GPC5: variants seen among roughly 807,000 people sequenced by gnomAD.
The protein encoded by GPC5 is glypican 5.
Under a neutral mutation model 53.9 loss-of-function variants are expected in GPC5, and 47 were observed. The observed-to-expected ratio is 0.87, with a 90% confidence interval of 0.69 to 1.11. The LOEUF is 1.11. GPC5 is among the 50% of genes most tolerant of loss of function. The probability of loss-of-function intolerance (pLI) is 0.00; values close to 1 mark genes in which losing one functional copy is unlikely to be tolerated. For missense variants in GPC5, 748 were observed against 713.1 expected, an observed-to-expected ratio of 1.05 and a Z score of -0.56; for synonymous variants, 286 against 263.3, an observed-to-expected ratio of 1.09 and a Z score of -0.84.
intron 7 of GPC5, among the ~76,000 whole-genome samples, chr13:92,849,604 A>G (rs1878724103): frequency 6.6e-6 from 1 of 152,212 alleles, no homozygotes. Context: ...GAGTGTTCAC[A>G]TTATACTTGC....
chr13:92,109,526 TC>T (rs1482143531), intron 6 of GPC5, among the ~76,000 whole-genome samples: 1 of 152,196 alleles, frequency 6.6e-6, no homozygotes, highest in Non-Finnish European at 1.5e-5. Context: ...TATCTAAAAT[TC>T]TTTTTGATGA....
intron 6 of GPC5, among the ~76,000 whole-genome samples, chr13:92,082,142 G>A (rs905040655): frequency 1.3e-5 from 2 of 152,054 alleles, no homozygotes; most frequent in Admixed American, 6.6e-5. Flanking sequence ...TGTCTGTGAA[G>A]GAAATCATTT....
At chr13:92,737,385 A>G (rs1463331020) in intron 7 of GPC5, among the ~76,000 whole-genome samples, 1 of 152,088 alleles carries the variant, frequency 6.6e-6, no homozygotes, top group Non-Finnish European at 1.5e-5. Context: ...GGAATTGCAC[A>G]CTAATTCTAG....
intron 6 of GPC5, among the ~76,000 whole-genome samples, chr13:91,999,341 A>G (rs1396457850): frequency 2.0e-5 from 3 of 152,274 alleles, no homozygotes; most frequent in South Asian, 4.2e-4. Context: ...AGGTAAAACT[A>G]TCTCTTCAAA....
chr13:92,467,213 T>C (rs1458528195), intron 7 of GPC5, among the ~76,000 whole-genome samples: 1 of 152,092 alleles, frequency 6.6e-6, no homozygotes, highest in East Asian at 1.9e-4. Context: ...ATATTTCACC[T>C]TTTTCTTCGG....
At chr13:92,365,806 C>T (rs568826868) in intron 7 of GPC5, among the ~76,000 whole-genome samples, 4 of 151,236 alleles carry the variant, frequency 2.6e-5, no homozygotes, top group South Asian at 2.1e-4. Context: ...GGGGCAATTG[C>T]GTGCATGGAT....
chr13:92,047,277 C>T (rs922536937), intron 6 of GPC5, among the ~76,000 whole-genome samples: 2 of 151,976 alleles, frequency 1.3e-5, no homozygotes, highest in South Asian at 2.1e-4. Context: ...TTAATTAAAT[C>T]ATCTTAGATC....
At chr13:92,325,279 G>A (rs2043243305) in intron 7 of GPC5, among the ~76,000 whole-genome samples, 1 of 151,840 alleles carries the variant, frequency 6.6e-6, no homozygotes, top group African/African-American at 2.4e-5. Context: ...GAAAGTGAAG[G>A]GACAGTCAAT....
intron 7 of GPC5, among the ~76,000 whole-genome samples, chr13:92,827,311 T>TTGTGGCTA (rs1456033916): frequency 6.6e-6 from 1 of 152,150 alleles, no homozygotes; most frequent in Non-Finnish European, 1.5e-5. Context: ...AAGTATATCC[T>TTGTGGCTA]TGTGGCTATC....
At chr13:92,477,160 G>T (rs779732627) in intron 7 of GPC5, among the ~76,000 whole-genome samples, 3 of 152,070 alleles carry the variant, frequency 2.0e-5, no homozygotes, top group Non-Finnish European at 2.9e-5. Context: ...CAGTATTTAG[G>T]CACACCTATG....
At chr13:92,275,841 T>C (rs1021755518) in intron 7 of GPC5, among the ~76,000 whole-genome samples, 3 of 152,162 alleles carry the variant, frequency 2.0e-5, no homozygotes, top group African/African-American at 7.2e-5. Flanking sequence ...CATCAAATTC[T>C]GGAATATCAT....
intron 6 of GPC5, among the ~76,000 whole-genome samples, chr13:92,080,924 G>A (rs908791758): frequency 7.9e-5 from 12 of 152,084 alleles, no homozygotes; most frequent in Non-Finnish European, 1.5e-4. Flanking sequence ...AAATCACAGC[G>A]CTTGAGCACA....
At chr13:92,830,221 T>G (rs1199207546) in intron 7 of GPC5, among the ~76,000 whole-genome samples, 1 of 151,814 alleles carries the variant, frequency 6.6e-6, no homozygotes, top group Non-Finnish European at 1.5e-5. Context: ...TTCCACATTG[T>G]TTTTTTTCGT....
At chr13:92,466,537 C>CT (rs146261227) in intron 7 of GPC5, among the ~76,000 whole-genome samples, 3,522 of 152,096 alleles carry the variant, frequency 0.023, 152 homozygotes, top group African/African-American at 0.081. Flanking sequence ...GAGATTTTGA[C>CT]TTTTTACTTC....
intron 2 of GPC5, among the ~76,000 whole-genome samples, chr13:91,563,858 T>A (rs1046828139): frequency 2.6e-5 from 4 of 152,076 alleles, no homozygotes; most frequent in Admixed American, 1.3e-4. Context: ...CCTTCCTCAA[T>A]GTTGCTGCCA....
chr13:92,724,911 C>CACACAA (rs1555306823), intron 7 of GPC5, among the ~76,000 whole-genome samples: 1 of 144,142 alleles, frequency 6.9e-6, no homozygotes, highest in Non-Finnish European at 1.5e-5. Flanking sequence ...CACACACACA[C>CACACAA]AAGAAAGAAA....
intron 2 of GPC5, among the ~76,000 whole-genome samples, chr13:91,617,159 A>T (rs1023680465): frequency 6.6e-6 from 1 of 152,170 alleles, no homozygotes; most frequent in Non-Finnish European, 1.5e-5. Flanking sequence ...AAATGTCATC[A>T]TACTTTGCCT....
At position 91,448,957 on chromosome 13, in the gene GPC5, G is replaced by T. The variant is rs749240587; in HGVS notation, c.325+35G>T. The T allele has an allele frequency of 2.8e-5, 45 of 1,598,248 alleles. No homozygotes were observed. In the East Asian group the frequency reaches 1.0e-3, roughly 36 times the overall value. The stretch of plus-strand genomic sequence containing the variant: ...TCTTGAATTCTGCAACTAAGGACTG[G>T]CCGTGTTATGTAATTTGCCTAAGAT... On this transcript the variant is annotated intron_variant, in intron 2 of 7. Transcript: ENST00000377067.
chr13:91,962,924 T>A (rs1462906044), intron 6 of GPC5, among the ~76,000 whole-genome samples: 2 of 152,286 alleles, frequency 1.3e-5, no homozygotes, highest in African/African-American at 4.8e-5. Context: ...TATATTTAAA[T>A]GCCAGAAGGC....
Sources: gnomAD v4.1 joint callset for allele counts (sites outside exome capture counted in the v4.1 genomes callset) on GRCh38, gnomAD v4.1.1 for gene constraint, MANE v1.5 for transcripts, NCBI Gene and HGNC (gene_info 2026-07-23, HGNC 2026-07-21) for gene names.